Variants in TMEM131 observed in about 807,000 individuals in gnomAD.
TMEM131 encodes 2610524E03Rik.
TMEM131 carries 66 observed loss-of-function variants against 211.6 expected under a neutral mutation model. That is an observed-to-expected ratio of 0.31 (90% CI 0.26 to 0.38). TMEM131 has a LOEUF of 0.38. Among genes scored for constraint, TMEM131 ranks in the 10% least tolerant of loss-of-function variants. The pLI is 1.00. For missense variants in TMEM131, 2,036 were observed against 2,299.3 expected (o/e 0.89, Z 2.34); for synonymous variants, 844 against 841.3 (o/e 1.00, Z -0.06).
intron 1 of TMEM131, among the ~76,000 whole-genome samples, chr2:97,929,220 G>A (rs1677117371): frequency 6.6e-6 from 1 of 151,606 alleles, no homozygotes; most frequent in African/African-American, 2.4e-5. Context: ...GATAGAGAAA[G>A]GAAGGTAAGA....
At chr2:97,800,728 G>C (rs1378031340) in intron 25 of TMEM131, among the ~76,000 whole-genome samples, 1 of 151,864 alleles carries the variant, frequency 6.6e-6, no homozygotes. Context: ...TTGCACTCCA[G>C]CCTGGGTGAC....
At position 97,879,108 on chromosome 2, in the gene TMEM131, C is replaced by T. The variant is rs137927989; in HGVS notation, c.359+8944G>A. Among the ~76,000 whole-genome samples, 53 of 152,298 alleles carry T rather than the reference C, an allele frequency of 3.5e-4. 1 individual carries two copies. In the East Asian group the frequency reaches 9.3e-3, roughly 27 times the overall value. ...CCTGGAAGCAGAGAGAAGGCAGTTT[C>T]CACCCCTGCTAGTTAGACTGGGGAA... On this transcript the variant is annotated intron_variant, in intron 4 of 40. Coordinates refer to ENST00000186436, the MANE Select transcript of TMEM131 (RefSeq NM_015348.2).
At chr2:97,783,046 T>C (rs1235086830) in intron 31 of TMEM131, among the ~76,000 whole-genome samples, 1 of 149,142 alleles carries the variant, frequency 6.7e-6, no homozygotes, top group Non-Finnish European at 1.5e-5. Context: ...ATCAAACTTG[T>C]GAAAACTAAA....
chr2:97,831,338 TG>T (rs1458410366), intron 11 of TMEM131, among the ~76,000 whole-genome samples: 1 of 152,196 alleles, frequency 6.6e-6, no homozygotes, highest in Non-Finnish European at 1.5e-5. Flanking sequence ...GTGAGCTTGA[TG>T]GGGTAGGGAA....
intron 1 of TMEM131, among the ~76,000 whole-genome samples, chr2:97,965,342 A>T (rs1400760195): frequency 6.6e-6 from 1 of 152,132 alleles, no homozygotes; most frequent in Middle Eastern, 3.2e-3. Flanking sequence ...GAGCTTGTAA[A>T]CCAATAAATT....
chr2:97,967,560 A>G (rs1679112300), intron 1 of TMEM131, among the ~76,000 whole-genome samples: 1 of 152,210 alleles, frequency 6.6e-6, no homozygotes, highest in Non-Finnish European at 1.5e-5. Flanking sequence ...AAGAAATTTA[A>G]TAAGTAACAA....
chr2:97,944,012 G>A (rs1394353115), intron 1 of TMEM131, among the ~76,000 whole-genome samples: 2 of 152,118 alleles, frequency 1.3e-5, no homozygotes, highest in Non-Finnish European at 2.9e-5. Flanking sequence ...AACCTGGGAG[G>A]CAGAGGTGGC....
chr2:97,974,731 T>A lies in TMEM131; in HGVS notation c.187+20745A>T, dbSNP rs531156204. Among the ~76,000 whole-genome samples the A allele has an allele frequency of 5.5e-4, 82 of 149,884 alleles. 1 individual carries two copies. Among genetic ancestry groups the A allele is most frequent in the African/African-American group, 1.9e-3 (77 of 40,884 alleles). On this transcript the variant is annotated intron_variant, in intron 1 of 40. Coordinates refer to ENST00000186436, the MANE Select transcript of TMEM131 (RefSeq NM_015348.2). The stretch of plus-strand genomic sequence containing the variant: ...AAAGAAAAAGAAAAAAAAAAACATG[T>A]CGACCTGTAATTCTATAGCAAATAA...
intron 1 of TMEM131, among the ~76,000 whole-genome samples, chr2:97,958,079 A>C (rs1678653005): frequency 6.6e-6 from 1 of 152,220 alleles, no homozygotes; most frequent in Non-Finnish European, 1.5e-5. Context: ...CAGAAAGCAC[A>C]ACAGTGCAAA....
At chr2:97,908,361 A>G (rs909422364) in intron 3 of TMEM131, among the ~76,000 whole-genome samples, 2 of 152,178 alleles carry the variant, frequency 1.3e-5, no homozygotes, top group African/African-American at 2.4e-5. Flanking sequence ...AGGGATAGCC[A>G]CAAGAGAAGC....
intron 22 of TMEM131, among the ~76,000 whole-genome samples, chr2:97,804,621 CAAAAAAAAAAAAAA>C (rs71386034): frequency 2.8e-5 from 2 of 71,920 alleles, no homozygotes; most frequent in African/African-American, 5.7e-5. Flanking sequence ...GACTCCGTCT[CAAAAAAAAAAAAAA>C]AAAAAAAAGG....
chr2:97,918,434 GC>G (rs1384739043), intron 2 of TMEM131, among the ~76,000 whole-genome samples: 1 of 152,072 alleles, frequency 6.6e-6, no homozygotes, highest in Non-Finnish European at 1.5e-5. Flanking sequence ...AAATCTTCTT[GC>G]CAAGAAAAAC....
intron 1 of TMEM131, among the ~76,000 whole-genome samples, chr2:97,989,796 A>G (rs959460778): frequency 6.6e-6 from 1 of 152,234 alleles, no homozygotes; most frequent in African/African-American, 2.4e-5. Context: ...GAAACCCTCC[A>G]TCTGTGGTTT....
chr2:97,849,992 T>C (rs1233613101), intron 5 of TMEM131, among the ~76,000 whole-genome samples: 1 of 152,072 alleles, frequency 6.6e-6, no homozygotes, highest in African/African-American at 2.4e-5. Context: ...AATTTAATTC[T>C]ACAGAATCAT....
chr2:97,858,633 C>T (rs948535577), intron 5 of TMEM131, among the ~76,000 whole-genome samples: 4 of 152,094 alleles, frequency 2.6e-5, no homozygotes, highest in Non-Finnish European at 5.9e-5. Flanking sequence ...TCACTGGAGG[C>T]AGAAGAGGAC....
chr2:97,941,489 G>T (rs1054054845), intron 1 of TMEM131, among the ~76,000 whole-genome samples: 11 of 152,262 alleles, frequency 7.2e-5, no homozygotes, highest in African/African-American at 1.9e-4. Context: ...CTAATTAAAT[G>T]AAAGAGCTTC....
At chr2:97,990,933 C>T (rs909631109) in intron 1 of TMEM131, among the ~76,000 whole-genome samples, 2 of 152,166 alleles carry the variant, frequency 1.3e-5, no homozygotes, top group African/African-American at 2.4e-5. Flanking sequence ...GGCTGTCAAA[C>T]GTTACTCTGC....
At chr2:97,766,969 G>A (rs1489072265) in intron 33 of TMEM131, among the ~76,000 whole-genome samples, 1 of 152,192 alleles carries the variant, frequency 6.6e-6, no homozygotes, top group African/African-American at 2.4e-5. Flanking sequence ...TTCTGCCTGT[G>A]AGTCTCTCCC....
At chr2:97,825,273 C>T (rs1343601242) in intron 11 of TMEM131, among the ~76,000 whole-genome samples, 1 of 152,194 alleles carries the variant, frequency 6.6e-6, no homozygotes, top group African/African-American at 2.4e-5. Flanking sequence ...CAGCAGGCTA[C>T]TCTAGATCTC....
Sources: allele counts gnomAD v4.1 joint callset (sites outside exome capture counted in the v4.1 genomes callset), GRCh38; gene constraint gnomAD v4.1.1; transcripts MANE v1.5; gene names NCBI Gene and HGNC (gene_info 2026-07-23, HGNC 2026-07-21).